The following MCCC2 variants were observed in gnomAD, a reference collection of about 807,000 sequenced individuals.
MCCC2 encodes the protein methylcrotonyl-CoA carboxylase subunit 2, also known as methylcrotonoyl-CoA carboxylase beta chain, mitochondrial.
A neutral mutation model predicts 77.2 loss-of-function variants in MCCC2; 52 were observed. That is an observed-to-expected ratio of 0.67 (90% CI 0.54 to 0.85). The LOEUF (loss-of-function observed/expected upper bound fraction) is 0.85, where lower values mean the gene tolerates loss of function less well. MCCC2 is among the 40% of genes least tolerant of loss of function. The pLI, the probability that MCCC2 is intolerant of heterozygous loss-of-function variation, is 0.00. For synonymous variants in MCCC2, 253 were observed against 248.4 expected (o/e 1.02, Z -0.18); for missense variants, 682 against 703.2 (o/e 0.97, Z 0.34).
At chr5:71,646,153 C>A in intron 12 of MCCC2, 58 bp from the exon 13 acceptor site, 2 of 1,410,066 alleles carry the variant, frequency 1.4e-6, no homozygotes, top group Non-Finnish European at 2.0e-6. Context: ...TTGTAGAATG[C>A]ATGATGATAA....
rs896129530 is a variant in MCCC2, at chr5:71,593,061, G to A, written c.196+69G>A. ...TGTCCTAAAATAGTTATTGCTTTTAGGAAAAATACTGGAATTAAGCTTTTG... is the reference window on the plus strand; with the variant it reads ...TGTCCTAAAATAGTTATTGCTTTTAAGAAAAATACTGGAATTAAGCTTTTG... On this transcript the variant is annotated intron_variant, in intron 2 of 16. Transcript: ENST00000340941. 3.6e-5 allele frequency: 46 copies of A among 1,294,308 alleles called. No individual in the cohort carries two copies. In the African/African-American group the frequency reaches 6.2e-4, roughly 17 times the overall value. The allele number at this position is 1,294,308 out of a possible 1,614,324, so 80.2% of individuals were successfully genotyped here.
At chr5:71,638,372 C>G (rs1166165439) in intron 10 of MCCC2, among the ~76,000 whole-genome samples, 1 of 152,150 alleles carries the variant, frequency 6.6e-6, no homozygotes, top group East Asian at 1.9e-4. Flanking sequence ...AATTAAATAT[C>G]CTTAATGTTG....
At chr5:71,653,526 C>T (rs542667769) in intron 16 of MCCC2, among the ~76,000 whole-genome samples, 3 of 149,504 alleles carry the variant, frequency 2.0e-5, no homozygotes, top group African/African-American at 7.3e-5. Flanking sequence ...TTTATGCTGG[C>T]GAAGGCAAAC....
chr5:71,616,378 G>A (rs973596431), intron 6 of MCCC2, among the ~76,000 whole-genome samples: 8 of 152,218 alleles, frequency 5.3e-5, no homozygotes, highest in African/African-American at 1.9e-4. Context: ...GGGCCATCTT[G>A]TAGGACTGAG....
In MCCC2 at chr5:71,602,558, T is replaced by G. The variant is rs1402663229; in HGVS notation, c.436T>G (p.Tyr146Asp). The change falls in exon 5 of 17, where the codon TAC (tyrosine) becomes GAC (aspartate). Residue 146 changes from tyrosine to aspartate, a missense_variant. Tyr to Asp is a radical substitution (Grantham distance 160, BLOSUM62 -3). Transcript: ENST00000340941. ...NDATVKGGAY[Y>D]PVTVKKQLRA... ...TGCCACCGTCAAAGGAGGTGCCTACTACCCAGTGACTGTGAAAAAACAATT... is the reference window on the plus strand; with the variant it reads ...TGCCACCGTCAAAGGAGGTGCCTACGACCCAGTGACTGTGAAAAAACAATT... 4 of 1,614,202 alleles carry G rather than the reference T, an allele frequency of 2.5e-6. No individual in the cohort carries two copies. The highest frequency in any genetic ancestry group is 3.4e-6 in the Non-Finnish European group (4 of 1,180,026).
In MCCC2 at chr5:71,634,968, G is replaced by A; in HGVS notation, c.829G>A (p.Ala277Thr). 1.2e-6 allele frequency: 2 copies of A among 1,614,092 alleles called. No homozygotes were observed. Among genetic ancestry groups the A allele is most frequent in the Non-Finnish European group, 1.7e-6 (2 of 1,180,026 alleles). Residue 277 changes from alanine (A) to threonine (T), a missense_variant, in exon 9 of 17, where the codon GCT becomes ACT. By Grantham distance (58) the Ala-to-Thr change is moderately conservative. Coordinates refer to ENST00000340941, the MANE Select transcript of MCCC2 (RefSeq NM_022132.5). Reference sequence around the variant, plus strand: ...AAAGTCTGGAGTAAGTGACCACTGGGCTTTGGATGATCATCATGCCCTTCA... The same window carrying A: ...AAAGTCTGGAGTAAGTGACCACTGGACTTTGGATGATCATCATGCCCTTCA... ...CRKSGVSDHW[A>T]LDDHHALHLT...
intron 3 of MCCC2, among the ~76,000 whole-genome samples, chr5:71,598,798 C>G (rs1053733013): frequency 7.2e-5 from 11 of 152,002 alleles, no homozygotes; most frequent in African/African-American, 2.7e-4. Flanking sequence ...ATTGCCCAGG[C>G]TGGAGTGCAG....
intron 12 of MCCC2, among the ~76,000 whole-genome samples, chr5:71,644,641 C>T (rs1223564691): frequency 1.3e-5 from 2 of 151,942 alleles, no homozygotes; most frequent in Non-Finnish European, 2.9e-5. Flanking sequence ...TTTTAATTCA[C>T]CAAACTACTT....
intron 6 of MCCC2, among the ~76,000 whole-genome samples, chr5:71,605,955 C>G (rs539511140): frequency 4.6e-5 from 7 of 152,266 alleles, no homozygotes; most frequent in Non-Finnish European, 8.8e-5. Context: ...GGTACCAATA[C>G]CATGCTGTTT....
At chr5:71,647,595 G>T (rs1747304808) in intron 13 of MCCC2, among the ~76,000 whole-genome samples, 1 of 152,170 alleles carries the variant, frequency 6.6e-6, no homozygotes, top group African/African-American at 2.4e-5. Context: ...TTGCATTTGA[G>T]GTTCCTGTGG....
chr5:71,631,310 G>A (rs1322550925), intron 7 of MCCC2, among the ~76,000 whole-genome samples: 1 of 152,188 alleles, frequency 6.6e-6, no homozygotes, highest in Non-Finnish European at 1.5e-5. Context: ...CCGTGGATAG[G>A]CAGGCAGTCC....
chr5:71,628,431 G>C (rs367554481), intron 7 of MCCC2, among the ~76,000 whole-genome samples: 1 of 152,026 alleles, frequency 6.6e-6, no homozygotes, highest in South Asian at 2.1e-4. Context: ...TGTGCTTTTG[G>C]TGTCTTATCC....
At chr5:71,612,034 G>A (rs774515368) in intron 6 of MCCC2, among the ~76,000 whole-genome samples, 14 of 151,574 alleles carry the variant, frequency 9.2e-5, no homozygotes, top group Admixed American at 6.6e-4. Context: ...GTGATCTGCC[G>A]ACCTCGTGAT....
intron 6 of MCCC2, among the ~76,000 whole-genome samples, chr5:71,613,990 T>TTA (rs1227765089): frequency 1.3e-5 from 2 of 150,310 alleles, no homozygotes; most frequent in East Asian, 3.9e-4. Flanking sequence ...ATAGTTCATA[T>TTA]TATATATATA....
At chr5:71,617,254 C>T (rs1215352749) in intron 6 of MCCC2, among the ~76,000 whole-genome samples, 1 of 152,146 alleles carries the variant, frequency 6.6e-6, no homozygotes, top group African/African-American at 2.4e-5. Flanking sequence ...AGTCTCCAAC[C>T]CATCTTCCAA....
intron 15 of MCCC2, 54 bp downstream of exon 15, chr5:71,650,237 C>T: frequency 1.3e-6 from 2 of 1,504,244 alleles, no homozygotes. Flanking sequence ...CCATAAACAC[C>T]CTGGAGCCAA....
chr5:71,628,831 A>G (rs568537880), intron 7 of MCCC2, among the ~76,000 whole-genome samples: 1 of 152,350 alleles, frequency 6.6e-6, no homozygotes, highest in African/African-American at 2.4e-5. Context: ...CTATATGCAT[A>G]AAGAAGTTCT....
At chr5:71,649,352 C>A in intron 14 of MCCC2, 99 bp downstream of exon 14, 2 of 1,152,272 alleles carry the variant, frequency 1.7e-6, no homozygotes, top group Non-Finnish European at 2.6e-6. Context: ...GAATGCCATT[C>A]CCAGATCTCA....
At chr5:71,600,276 C>T (rs889930640) in intron 4 of MCCC2, among the ~76,000 whole-genome samples, 3 of 152,188 alleles carry the variant, frequency 2.0e-5, no homozygotes, top group Non-Finnish European at 4.4e-5. Flanking sequence ...GAAAAAAATT[C>T]AGTCATTTAA....
Sources: allele counts gnomAD v4.1 joint callset (sites outside exome capture counted in the v4.1 genomes callset), GRCh38; gene constraint gnomAD v4.1.1; transcripts MANE v1.5; gene names NCBI Gene and HGNC (gene_info 2026-07-23, HGNC 2026-07-21).